The following CDC123 variants were observed in gnomAD, a reference collection of about 807,000 sequenced individuals.
The protein encoded by CDC123 is cell division cycle 123, also known as translation initiation factor eIF2 assembly protein.
CDC123 carries 37 observed loss-of-function variants against 54.4 expected under a neutral mutation model. The ratio of observed to expected loss-of-function variants is 0.68; its 90% CI spans 0.52 to 0.89. The LOEUF (loss-of-function observed/expected upper bound fraction) is 0.89, where lower values mean the gene tolerates loss of function less well. Among genes scored for constraint, CDC123 ranks in the 40% least tolerant of loss-of-function variants. The pLI, the probability that CDC123 is intolerant of heterozygous loss-of-function variation, is 0.00. For synonymous variants in CDC123, 144 were observed against 136.8 expected (o/e 1.05, Z -0.37); for missense variants, 361 against 412.1 (o/e 0.88, Z 1.07).
At chr10:12,244,294 C>A (rs913674193) in intron 10 of CDC123, among the ~76,000 whole-genome samples, 14 of 152,228 alleles carry the variant, frequency 9.2e-5, no homozygotes, top group African/African-American at 3.1e-4. Flanking sequence ...TAGAAAAAAA[C>A]AAATTCATTA....
intron 1 of CDC123, among the ~76,000 whole-genome samples, chr10:12,197,379 A>AG (rs1395673430): frequency 2.0e-4 from 19 of 96,616 alleles, no homozygotes; most frequent in South Asian, 1.5e-3. Flanking sequence ...CTGAAGAACT[A>AG]GATTTTTTTT....
At chr10:12,212,263 A>G (rs1835612823) in intron 4 of CDC123, among the ~76,000 whole-genome samples, 1 of 152,170 alleles carries the variant, frequency 6.6e-6, no homozygotes, top group Non-Finnish European at 1.5e-5. Context: ...GTTTCTAAAT[A>G]CCATTCTCCA....
At chr10:12,211,604 G>A (rs781370672) in intron 4 of CDC123, among the ~76,000 whole-genome samples, 4 of 152,140 alleles carry the variant, frequency 2.6e-5, no homozygotes, top group East Asian at 1.9e-4. Flanking sequence ...ACTAGATTCC[G>A]TGAGATGAAC....
intron 2 of CDC123, among the ~76,000 whole-genome samples, chr10:12,201,807 G>A (rs1835443772): frequency 6.6e-6 from 1 of 152,180 alleles, no homozygotes; most frequent in Non-Finnish European, 1.5e-5. Flanking sequence ...AGACGGGTTA[G>A]GAGGATATTG....
chr10:12,246,007 C>A, intron 10 of CDC123, 142 bp from the exon 11 acceptor site: 1 of 813,754 alleles, frequency 1.2e-6, no homozygotes, highest in Non-Finnish European at 1.9e-6. Flanking sequence ...GAGGTCGAGG[C>A]TGCAGTGAGC....
chr10:12,208,762 T>G (rs1015858733), intron 2 of CDC123, among the ~76,000 whole-genome samples: 4 of 152,328 alleles, frequency 2.6e-5, no homozygotes, highest in African/African-American at 9.6e-5. Context: ...ACAGCTTATC[T>G]GCCTTGTCTT....
At chr10:12,246,373 A>T in intron 11 of CDC123, 96 bp downstream of exon 11, 3 of 1,393,412 alleles carry the variant, frequency 2.2e-6, no homozygotes, top group Non-Finnish European at 3.0e-6. Context: ...AATGGCCAGG[A>T]CCCTTGGGAA....
chr10:12,235,512 G>A (rs76517520), intron 8 of CDC123, among the ~76,000 whole-genome samples: 2,575 of 152,248 alleles, frequency 0.017, 70 homozygotes, highest in East Asian at 0.11. Flanking sequence ...TATTATTGGG[G>A]CACTGTTTAT....
At chr10:12,201,721 A>G (rs1263642200) in intron 2 of CDC123, among the ~76,000 whole-genome samples, 1 of 152,198 alleles carries the variant, frequency 6.6e-6, no homozygotes, top group Non-Finnish European at 1.5e-5. Context: ...TCAGGAAGGC[A>G]TTGAAGGGCT....
intron 11 of CDC123, among the ~76,000 whole-genome samples, chr10:12,248,533 C>T (rs1388494801): frequency 6.5e-4 from 88 of 135,016 alleles, no homozygotes; most frequent in Non-Finnish European, 9.3e-4. Context: ...AGGCCAGGTG[C>T]GGTGGCTCAC....
chr10:12,222,291 A>G (rs1459867152), intron 6 of CDC123, among the ~76,000 whole-genome samples: 4 of 152,202 alleles, frequency 2.6e-5, no homozygotes, highest in African/African-American at 9.7e-5. Flanking sequence ...TCAAATGGTT[A>G]CTGTAGACAA....
chr10:12,197,629 G>C (rs1032634930), intron 1 of CDC123, among the ~76,000 whole-genome samples: 1 of 141,958 alleles, frequency 7.0e-6, no homozygotes, highest in Admixed American at 6.9e-5. Flanking sequence ...CGCCCGCCTC[G>C]GCCTCCCAAA....
intron 6 of CDC123, among the ~76,000 whole-genome samples, chr10:12,226,564 C>T (rs1477651732): frequency 1.3e-5 from 2 of 150,262 alleles, no homozygotes; most frequent in East Asian, 4.0e-4. Context: ...AGAGACACTC[C>T]TCAGTTCCCA....
intron 6 of CDC123, among the ~76,000 whole-genome samples, chr10:12,228,412 T>G (rs1247056388): frequency 6.7e-6 from 1 of 150,242 alleles, no homozygotes; most frequent in Non-Finnish European, 1.5e-5. Context: ...GTTTTTAGTT[T>G]TTTTTTTTTT....
chr10:12,221,279 G>A (rs184010448), intron 6 of CDC123, among the ~76,000 whole-genome samples: 107 of 2,734 alleles, frequency 0.039, no homozygotes, highest in South Asian at 0.1. Context: ...CACCAAGGTC[G>A]CCAGGGCTCT....
At chr10:12,247,437 CCT>C (rs199645524) in intron 11 of CDC123, 1 of 134,380 alleles carries the variant, frequency 7.4e-6, no homozygotes, top group Non-Finnish European at 1.6e-5. Context: ...ACTGTGTCCT[CCT>C]CTCTCACCTC....
chr10:12,231,091 A>C, intron 7 of CDC123, 95 bp downstream of exon 7: 2 of 1,210,338 alleles, frequency 1.7e-6, no homozygotes, highest in Non-Finnish European at 2.3e-6. Context: ...AGTTTCTTGG[A>C]TTAATTTCTT....
chr10:12,216,439 TA>T (rs1430808319), intron 5 of CDC123, among the ~76,000 whole-genome samples: 1 of 152,232 alleles, frequency 6.6e-6, no homozygotes, highest in African/African-American at 2.4e-5. Flanking sequence ...AATTTGTACT[TA>T]ATCTAAGTTT....
intron 7 of CDC123, among the ~76,000 whole-genome samples, chr10:12,232,942 G>C (rs917397659): frequency 4.3e-4 from 65 of 151,948 alleles, no homozygotes; most frequent in African/African-American, 1.4e-3. Context: ...TGTATTTTTA[G>C]TGGAGACGGG....
Sources: gnomAD v4.1 joint callset for allele counts (sites outside exome capture counted in the v4.1 genomes callset) on GRCh38, gnomAD v4.1.1 for gene constraint, MANE v1.5 for transcripts, NCBI Gene and HGNC (gene_info 2026-07-23, HGNC 2026-07-21) for gene names.